Variants in PDGFRB observed in about 807,000 individuals in gnomAD.
The protein encoded by PDGFRB is platelet derived growth factor receptor beta.
A neutral mutation model predicts 120.2 loss-of-function variants in PDGFRB; 42 were observed. That is an observed-to-expected ratio of 0.35 (90% confidence interval 0.27 to 0.45). The LOEUF (loss-of-function observed/expected upper bound fraction) is 0.45. Ranked by LOEUF, PDGFRB falls within the 20% of genes least tolerant of loss-of-function variation. The pLI, the probability that PDGFRB is intolerant of heterozygous loss-of-function variation, is 1.00. For synonymous variants in PDGFRB, 586 were observed against 606.8 expected (o/e 0.97, Z 0.50); for missense variants, 1,149 against 1,476.3 (o/e 0.78, Z 3.63).
At chr5:150,133,243 C>A (rs531155080) in intron 6 of PDGFRB, among the ~76,000 whole-genome samples, 3 of 152,300 alleles carry the variant, frequency 2.0e-5, no homozygotes, top group African/African-American at 7.2e-5. Flanking sequence ...GGGGATGGGG[C>A]TTCCCGGACC....
chr5:150,116,790 C>T (rs1030801184), intron 22 of PDGFRB, among the ~76,000 whole-genome samples: 1 of 152,182 alleles, frequency 6.6e-6, no homozygotes, highest in Non-Finnish European at 1.5e-5. Flanking sequence ...TGGTTGGCCT[C>T]TTCAACAGTT....
intron 1 of PDGFRB, 96 bp downstream of exon 1, chr5:150,155,297 CTTTT>C (rs35505256): frequency 2.3e-3 from 271 of 119,900 alleles, no homozygotes; most frequent in Middle Eastern, 0.014. Flanking sequence ...AATATCTTCC[CTTTT>C]TTTTTTTTTT....
intron 1 of PDGFRB, among the ~76,000 whole-genome samples, chr5:150,141,411 A>T (rs1453947023): frequency 6.6e-6 from 1 of 152,110 alleles, no homozygotes; most frequent in East Asian, 1.9e-4. Context: ...TTCTCCATCA[A>T]CTCTATGAGG....
intron 12 of PDGFRB, 62 bp downstream of exon 12, chr5:150,125,383 C>T: frequency 6.7e-7 from 1 of 1,494,810 alleles, no homozygotes; most frequent in Non-Finnish European, 9.1e-7. Flanking sequence ...GACCAGACCT[C>T]AGAGAGTCTT....
At chr5:150,131,079 T>C (rs1258680081) in intron 8 of PDGFRB, among the ~76,000 whole-genome samples, 3 of 152,222 alleles carry the variant, frequency 2.0e-5, no homozygotes, top group African/African-American at 7.2e-5. Flanking sequence ...ATTTTGTCTT[T>C]CAAAATAAAT....
At chr5:150,150,791 C>G (rs574444057) in intron 1 of PDGFRB, among the ~76,000 whole-genome samples, 5 of 152,284 alleles carry the variant, frequency 3.3e-5, no homozygotes, top group South Asian at 2.1e-4. Flanking sequence ...TCCATTCCCC[C>G]CCTCACCTCT....
rs895002767 is a variant in PDGFRB, at chr5:150,132,722, G to C, written c.1127+28C>G. ...CGGCTGCAAAGAAAAATAACTTCAA[G>C]AATGGGATGGGAGAGCGAGCTGCTC... On this transcript the variant is annotated intron_variant, in intron 7 of 22. Coordinates refer to ENST00000261799, the MANE Select transcript of PDGFRB (RefSeq NM_002609.4). This position sits in a 1 kb window ranked among gnomAD's most constrained non-coding sequence, Gnocchi z 5.0. 1 of 1,596,234 alleles carries C rather than the reference G, an allele frequency of 6.3e-7. No individual in the cohort carries two copies.
chr5:150,117,892 A>G, intron 21 of PDGFRB, 42 bp from the exon 22 acceptor site: 1 of 1,203,098 alleles, frequency 8.3e-7, no homozygotes, highest in Non-Finnish European at 1.2e-6. Context: ...AGGGATGGTC[A>G]GGCCAGAAAT....
chr5:150,135,136 A>T (rs17652080), intron 3 of PDGFRB, 120 bp from the exon 4 acceptor site: 5 of 626,322 alleles, frequency 8.0e-6, no homozygotes, highest in Non-Finnish European at 1.4e-5. Flanking sequence ...CAGAATAGGG[A>T]TGCTCCCAGA....
In PDGFRB at chr5:150,130,439, G is replaced by A. The variant is rs188211586; in HGVS notation, c.1367+100C>T. The A allele has an allele frequency of 7.2e-4, 871 of 1,207,376 alleles. 3 individuals are homozygous for A. The highest frequency in any genetic ancestry group is 4.1e-3 in the South Asian group (302 of 73,860). 74.8% of individuals were successfully genotyped at this position (1,207,376 alleles called of 1,614,324 possible). A position where few individuals can be genotyped will look rare whatever the true frequency, so the allele number is the denominator to read the frequency against. ...CCTCCTAGGATGCAACTCTATGCCC[G>A]GAACAATATGCCAAGAAGAACGGGC... On this transcript the variant is annotated intron_variant, in intron 9 of 22. Coordinates refer to ENST00000261799, the MANE Select transcript of PDGFRB (RefSeq NM_002609.4).
At chr5:150,150,095 G>A (rs1259971004) in intron 1 of PDGFRB, among the ~76,000 whole-genome samples, 1 of 152,208 alleles carries the variant, frequency 6.6e-6, no homozygotes, top group Non-Finnish European at 1.5e-5. Context: ...CCCATTTCTT[G>A]TTGGGACGGC....
chr5:150,134,100 A>G, intron 4 of PDGFRB, 92 bp from the exon 5 acceptor site: 1 of 1,110,224 alleles, frequency 9.0e-7, no homozygotes, highest in South Asian at 1.3e-5. Context: ...AGAGAGGGAA[A>G]GGATGACTGA....
intron 1 of PDGFRB, among the ~76,000 whole-genome samples, chr5:150,152,967 C>A (rs73277776): frequency 0.031 from 4,790 of 152,308 alleles, 281 homozygotes; most frequent in African/African-American, 0.11. Context: ...CGGGGTCACA[C>A]AGTCAGCCAG....
At chr5:150,144,722 T>C (rs1211116307) in intron 1 of PDGFRB, among the ~76,000 whole-genome samples, 1 of 152,106 alleles carries the variant, frequency 6.6e-6, no homozygotes. Flanking sequence ...GGAGGGGGCC[T>C]GGGTCCCCAG....
At chr5:150,135,108 C>T (rs1760586324) in intron 3 of PDGFRB, 92 bp from the exon 4 acceptor site, 3 of 679,784 alleles carry the variant, frequency 4.4e-6, no homozygotes, top group Non-Finnish European at 7.8e-6. Context: ...CCATCTCTGG[C>T]CCTCTGTCTC....
rs192653021 is a variant in PDGFRB, at chr5:150,126,172, A to G, written c.1674+348T>C. On this transcript the variant is annotated intron_variant, in intron 11 of 22. Transcript: ENST00000261799. ...TCAGAATGCATTTCAGTAGAATCAC[A>G]GGTTCTCCATGGGTGAGACCTGGAA... Among the ~76,000 whole-genome samples, 78 of 152,362 alleles carry G rather than the reference A, an allele frequency of 5.1e-4. No individual in the cohort carries two copies. In the Middle Eastern group the frequency reaches 0.027, roughly 53 times the overall value.
At chr5:150,147,292 T>C (rs1025242842) in intron 1 of PDGFRB, among the ~76,000 whole-genome samples, 1 of 151,798 alleles carries the variant, frequency 6.6e-6, no homozygotes, top group South Asian at 2.1e-4. Context: ...CTCCGGCCGG[T>C]GCCATGGCAA....
Position 150,124,539 on chromosome 5 carries a change from G to A in PDGFRB, c.1913-179C>T, listed in dbSNP as rs1197896020. On this transcript the variant is annotated intron_variant, in intron 13 of 22. Transcript: ENST00000261799. ...AGGCCAGGGTAGGGGGAAGCAGGCC[G>A]AGGAGGCCAGGGAGAGGAACGCTCT... The A allele has an allele frequency of 1.9e-5, 12 of 625,654 alleles. No individual in the cohort carries two copies. The East Asian group carries it at 1.9e-4, about 10-fold the overall frequency. The allele number at this position is 625,654 out of a possible 1,614,324, so 38.8% of individuals were successfully genotyped here.
intron 1 of PDGFRB, among the ~76,000 whole-genome samples, chr5:150,151,319 G>C (rs1395871736): frequency 6.6e-6 from 1 of 152,162 alleles, no homozygotes; most frequent in African/African-American, 2.4e-5. Flanking sequence ...CCCCAGAAGG[G>C]AACGATCTGT....
Sources: allele counts gnomAD v4.1 joint callset (sites outside exome capture counted in the v4.1 genomes callset), GRCh38; gene constraint gnomAD v4.1.1; non-coding constraint Gnocchi (gnomAD v3.1); transcripts MANE v1.5; gene names NCBI Gene and HGNC (gene_info 2026-07-23, HGNC 2026-07-21).